The following EPHA5 variants were observed in gnomAD, a reference collection of about 807,000 sequenced individuals.
The protein encoded by EPHA5 is ephrin type-A receptor 5.
EPHA5 carries 60 observed loss-of-function variants against 105.0 expected under a neutral mutation model. That is an observed-to-expected ratio of 0.57 (90% CI 0.46 to 0.71). EPHA5 has a LOEUF of 0.71. Among genes scored for constraint, EPHA5 ranks in the 30% least tolerant of loss-of-function variants. The pLI is 0.00. For synonymous variants in EPHA5, 513 were observed against 449.1 expected (o/e 1.14, Z -1.80); for missense variants, 1,218 against 1,274.7 (o/e 0.96, Z 0.68).
chr4:65,665,223 G>T (rs1399690348), intron 1 of EPHA5, among the ~76,000 whole-genome samples: 1 of 151,658 alleles, frequency 6.6e-6, no homozygotes, highest in Non-Finnish European at 1.5e-5. Flanking sequence ...AGGTAGAAAG[G>T]TTTCTACCAA....
rs1452195389 is a variant in EPHA5, at chr4:65,669,395, C to G, written c.181+167G>C. 3 of 985,140 alleles carry G rather than the reference C, an allele frequency of 3.0e-6. No homozygotes were observed. The East Asian group carries it at 3.4e-4, about 112-fold the overall frequency. The allele number at this position is 985,140 out of a possible 1,614,324, so 61.0% of individuals were successfully genotyped here. On this transcript the variant is annotated intron_variant, in intron 1 of 16. Coordinates refer to ENST00000613740, the MANE Select transcript of EPHA5 (RefSeq NM_001281766.3). Reference sequence around the variant, plus strand: ...CGTCAAACAATGCAACCAAAAACCGCAGAGGGGAGCGAAAAGGCCAGTGGA... The same window carrying G: ...CGTCAAACAATGCAACCAAAAACCGGAGAGGGGAGCGAAAAGGCCAGTGGA...
chr4:65,572,169 C>T (rs1740258997), intron 3 of EPHA5, among the ~76,000 whole-genome samples: 1 of 151,852 alleles, frequency 6.6e-6, no homozygotes, highest in African/African-American at 2.4e-5. Flanking sequence ...TTCCATATAG[C>T]AATAAAATTA....
At chr4:65,489,777 T>C (rs1262608784) in intron 5 of EPHA5, among the ~76,000 whole-genome samples, 1 of 152,236 alleles carries the variant, frequency 6.6e-6, no homozygotes, top group Non-Finnish European at 1.5e-5. Context: ...TAATTACTTA[T>C]TAATTCCAAA....
intron 2 of EPHA5, among the ~76,000 whole-genome samples, chr4:65,634,484 T>TGG (rs1354625862): frequency 6.6e-6 from 1 of 152,092 alleles, no homozygotes; most frequent in African/African-American, 2.4e-5. Flanking sequence ...GTGAGAAATC[T>TGG]AAATGCAAAA....
intron 8 of EPHA5, among the ~76,000 whole-genome samples, chr4:65,394,922 T>G (rs577333922): frequency 7.9e-5 from 12 of 152,274 alleles, no homozygotes; most frequent in African/African-American, 2.9e-4. Context: ...CTACCCTTCA[T>G]GAATATACTC....
At chr4:65,584,591 G>A (rs1051185792) in intron 3 of EPHA5, among the ~76,000 whole-genome samples, 3 of 151,804 alleles carry the variant, frequency 2.0e-5, no homozygotes, top group African/African-American at 7.2e-5. Flanking sequence ...AACAAAAATG[G>A]AATACCTATT....
chr4:65,549,324 G>T (rs767224697), intron 3 of EPHA5, among the ~76,000 whole-genome samples: 18 of 152,082 alleles, frequency 1.2e-4, no homozygotes, highest in Admixed American at 7.2e-4. Context: ...AGCAGATACA[G>T]AATGAAGGAA....
At chr4:65,435,164 C>A (rs4507418) in intron 5 of EPHA5, among the ~76,000 whole-genome samples, 20,647 of 152,016 alleles carry the variant, frequency 0.14, 1,521 homozygotes, top group Admixed American at 0.18. Flanking sequence ...ACACCCTGGG[C>A]AAGTTCATGA....
chr4:65,495,437 T>G lies in EPHA5; in HGVS notation c.1017A>C (p.Glu339Asp). ...HEEASTSCVC[E>D]KDYFRRESDP... is the part of the protein sequence containing the mutation. The stretch of plus-strand genomic sequence containing the variant: ...CAGACTCTCTCCTGAAATAATCCTT[T>G]TCACAGACACAAGAGGTTGAAGCTT... The change falls in exon 4 of 17, where the codon GAA becomes GAC. Residue 339 changes from glutamate to aspartate, a missense_variant. Glu to Asp is a conservative substitution (Grantham distance 45). Around this residue, in one of 3 missense-constraint regions of EPHA5, gnomAD observed 971 missense variants for 1,013.5 expected, o/e 0.96. Coordinates refer to ENST00000613740, the MANE Select transcript of EPHA5 (RefSeq NM_001281766.3). 6.2e-7 allele frequency: 1 copy of G among 1,613,864 alleles called. No homozygotes were observed. The highest frequency in any genetic ancestry group is 8.5e-7 in the Non-Finnish European group (1 of 1,179,830).
intron 2 of EPHA5, among the ~76,000 whole-genome samples, chr4:65,625,711 A>G (rs1746077799): frequency 6.6e-6 from 1 of 152,214 alleles, no homozygotes; most frequent in African/African-American, 2.4e-5. Context: ...AATTGATTCA[A>G]TTTACAATTT....
At chr4:65,328,648 A>AT (rs5858947) in intron 16 of EPHA5, among the ~76,000 whole-genome samples, 46 of 149,038 alleles carry the variant, frequency 3.1e-4, no homozygotes, top group African/African-American at 1.0e-3. Flanking sequence ...TATGTTTGTC[A>AT]TTTTTTTTTT....
At chr4:65,553,807 C>T (rs1578408291) in intron 3 of EPHA5, among the ~76,000 whole-genome samples, 1 of 151,986 alleles carries the variant, frequency 6.6e-6, no homozygotes, top group Non-Finnish European at 1.5e-5. Context: ...GAGAGAGTCA[C>T]AGTTGCCTAA....
chr4:65,502,375 A>G (rs1411921596), intron 3 of EPHA5, among the ~76,000 whole-genome samples: 1 of 151,328 alleles, frequency 6.6e-6, no homozygotes, highest in Non-Finnish European at 1.5e-5. Context: ...TAATATCCAG[A>G]CTCCCTAAGG....
intron 2 of EPHA5, among the ~76,000 whole-genome samples, chr4:65,606,247 A>G (rs1330654338): frequency 6.6e-6 from 1 of 152,190 alleles, no homozygotes; most frequent in Non-Finnish European, 1.5e-5. Flanking sequence ...CTTATCGTCA[A>G]CTGTATCTTA....
At position 65,669,857 on chromosome 4, in the gene EPHA5, C is replaced by A; in HGVS notation, c.-115G>T. On this transcript the variant is annotated 5_prime_UTR_variant, in exon 1 of 17. Coordinates refer to ENST00000613740, the MANE Select transcript of EPHA5 (RefSeq NM_001281766.3). The stretch of plus-strand genomic sequence containing the variant: ...CTCCTTGTCCCCCCTTGGGGTCCTA[C>A]GCCTTCTGGCACGCGGCTCCTCCAA... The A allele has an allele frequency of 8.2e-7, 1 of 1,226,182 alleles. No homozygotes were observed. The highest frequency in any genetic ancestry group is 1.0e-6 in the Non-Finnish European group (1 of 983,380). The allele number at this position is 1,226,182 out of a possible 1,614,324, so 76.0% of individuals were successfully genotyped here.
chr4:65,366,251 G>A lies in EPHA5; in HGVS notation c.1862-194C>T, dbSNP rs529606221. Among the ~76,000 whole-genome samples, 6 of 151,714 alleles carry A rather than the reference G, an allele frequency of 4.0e-5. No homozygotes were observed. In the South Asian group the frequency reaches 1.2e-3, roughly 32 times the overall value. On this transcript the variant is annotated intron_variant, in intron 9 of 16. Coordinates refer to ENST00000613740, the MANE Select transcript of EPHA5 (RefSeq NM_001281766.3). Reference sequence around the variant, plus strand: ...TATAATTTCAGAAATCTGTTTGCAGGCACAAGAAATGCATATGTGATGACA... The same window carrying A: ...TATAATTTCAGAAATCTGTTTGCAGACACAAGAAATGCATATGTGATGACA...
chr4:65,443,309 T>C (rs1272155032), intron 5 of EPHA5, among the ~76,000 whole-genome samples: 1 of 151,898 alleles, frequency 6.6e-6, no homozygotes, highest in Non-Finnish European at 1.5e-5. Flanking sequence ...TGGTGAATTT[T>C]AGCTGCACAA....
rs1180428937 is a variant in EPHA5, at chr4:65,670,446, G to A, written c.-704C>T. Reference sequence around the variant, plus strand: ...GAGCAGGCGGTGTGTGCGCGGCTGCGAAGTCGAGGTTGAAACTGCACCGCC... The same window carrying A: ...GAGCAGGCGGTGTGTGCGCGGCTGCAAAGTCGAGGTTGAAACTGCACCGCC... On this transcript the variant is annotated 5_prime_UTR_variant, in exon 1 of 17. Coordinates refer to ENST00000613740, the MANE Select transcript of EPHA5 (RefSeq NM_001281766.3). 2.6e-5 allele frequency: 6 copies of A among 233,152 alleles called. No individual in the cohort carries two copies. Among genetic ancestry groups the A allele is most frequent in the Admixed American group, 1.7e-4 (3 of 17,782 alleles). The allele number at this position is 233,152 out of a possible 1,614,324, so 14.4% of individuals were successfully genotyped here. A position where few individuals can be genotyped will look rare whatever the true frequency, so the allele number is the denominator to read the frequency against.
At chr4:65,546,900 A>G (rs1334557533) in intron 3 of EPHA5, among the ~76,000 whole-genome samples, 2 of 152,066 alleles carry the variant, frequency 1.3e-5, no homozygotes, top group Admixed American at 6.6e-5. Flanking sequence ...ATCCATTTCC[A>G]GCCCAACTTG....
Sources: allele counts gnomAD v4.1 joint callset (sites outside exome capture counted in the v4.1 genomes callset), GRCh38; gene constraint gnomAD v4.1.1; regional missense constraint gnomAD v4.1.1; transcripts MANE v1.5; gene names NCBI Gene and HGNC (gene_info 2026-07-23, HGNC 2026-07-21).